Variants in BFSP2 observed in about 807,000 individuals in gnomAD.
BFSP2 encodes the protein phakinin.
In BFSP2, 38 loss-of-function variants were observed where a neutral mutation model predicts 44.9. The ratio of observed to expected loss-of-function variants is 0.85; its 90% confidence interval spans 0.65 to 1.11. The LOEUF is 1.11. Ranked by LOEUF, BFSP2 falls within the 50% of genes least tolerant of loss-of-function variation. The pLI, the probability that BFSP2 is intolerant of heterozygous loss-of-function variation, is 0.00. For synonymous variants in BFSP2, 197 were observed against 209.9 expected (o/e 0.94, Z 0.53); for missense variants, 525 against 533.0 (o/e 0.99, Z 0.15).
Position 133,448,592 on chromosome 3 carries a change from C to G in BFSP2, c.676C>G (p.Gln226Glu). ...ANLTKMDLES[Q>E]IESLKEELGS... ...TTTGACTAAAATGGACCTGGAGAGT[C>G]AAATAGAAAGTCTGAAAGAAGAACT... Residue 226 changes from glutamine to glutamate, a missense_variant, in exon 3 of 7, where the codon CAA becomes GAA. Transcript: ENST00000302334. 1 of 1,612,362 alleles carries G rather than the reference C, an allele frequency of 6.2e-7. No homozygotes were observed. Among genetic ancestry groups the G allele is most frequent in the Non-Finnish European group, 8.5e-7 (1 of 1,179,166 alleles).
At chr3:133,410,318 G>A in intron 1 of BFSP2, 1 of 368,378 alleles carries the variant, frequency 2.7e-6, no homozygotes, top group South Asian at 2.1e-5. Context: ...GGTGCAGGTG[G>A]CAGCAGTGGC....
intron 1 of BFSP2, 80 bp from the exon 2 acceptor site, chr3:133,447,237 T>C (rs933899006): frequency 1.4e-6 from 2 of 1,464,188 alleles, no homozygotes; most frequent in Admixed American, 1.7e-5. Context: ...AGAGCCTCTG[T>C]GCCTAACACA....
chr3:133,422,593 C>T (rs1314662749), intron 1 of BFSP2, among the ~76,000 whole-genome samples: 2 of 152,184 alleles, frequency 1.3e-5, no homozygotes, highest in African/African-American at 4.8e-5. Context: ...TGGATGAAGC[C>T]TATAGAAGAG....
chr3:133,408,422 T>C (rs2073422341), intron 1 of BFSP2, among the ~76,000 whole-genome samples: 1 of 152,200 alleles, frequency 6.6e-6, no homozygotes, highest in Non-Finnish European at 1.5e-5. Context: ...ATAGAAAATG[T>C]TACAACCCCT....
At chr3:133,458,937 C>T (rs2074037508) in intron 4 of BFSP2, among the ~76,000 whole-genome samples, 1 of 152,188 alleles carries the variant, frequency 6.6e-6, no homozygotes, top group African/African-American at 2.4e-5. Flanking sequence ...TGACTTGATG[C>T]TATGGTTCCT....
intron 1 of BFSP2, among the ~76,000 whole-genome samples, chr3:133,423,752 G>T (rs1162784837): frequency 6.6e-6 from 1 of 152,034 alleles, no homozygotes; most frequent in Non-Finnish European, 1.5e-5. Context: ...GGCAGGTGGC[G>T]CCACCTGCTG....
intron 1 of BFSP2, among the ~76,000 whole-genome samples, chr3:133,439,696 A>T (rs2107914682): frequency 6.6e-6 from 1 of 152,334 alleles, no homozygotes; most frequent in South Asian, 2.1e-4. Context: ...TGTTCAGAAA[A>T]GTAACTCAGT....
intron 1 of BFSP2, chr3:133,410,473 G>T: frequency 3.6e-6 from 1 of 279,230 alleles, no homozygotes. Context: ...TCTTCGTTAA[G>T]CTCCAGTCAT....
Position 133,450,461 on chromosome 3 carries a change from T to G in BFSP2, c.888T>G (p.Ala296=), listed in dbSNP as rs199694156. The G allele has an allele frequency of 2.2e-5, 36 of 1,613,948 alleles. No individual in the cohort carries two copies. The South Asian group carries it at 3.6e-4, about 16-fold the overall frequency. ...NRVEAGALLQ[A]KQQAEVAHMS... ...TGGAGGCAGGAGCCCTGCTCCAAGCTAAGGTGAGAGGCAGGACCAGCATCC... is the reference window on the plus strand; with the variant it reads ...TGGAGGCAGGAGCCCTGCTCCAAGCGAAGGTGAGAGGCAGGACCAGCATCC... Residue 296 remains alanine, a synonymous_variant, in exon 4 of 7, where the codon GCT becomes GCG. Transcript: ENST00000302334.
intron 1 of BFSP2, among the ~76,000 whole-genome samples, chr3:133,428,164 A>G (rs1305860306): frequency 2.0e-5 from 3 of 152,168 alleles, no homozygotes; most frequent in African/African-American, 7.2e-5. Flanking sequence ...GGCTGAGGAG[A>G]ACACTTATGT....
At chr3:133,462,123 G>C (rs1559982128) in intron 4 of BFSP2, among the ~76,000 whole-genome samples, 2 of 152,154 alleles carry the variant, frequency 1.3e-5, no homozygotes, top group Admixed American at 1.3e-4. Context: ...CTGCATCAGA[G>C]CCCACATTTT....
intron 4 of BFSP2, among the ~76,000 whole-genome samples, chr3:133,457,154 G>A (rs2074019633): frequency 6.6e-6 from 1 of 152,202 alleles, no homozygotes; most frequent in Non-Finnish European, 1.5e-5. Context: ...CAGGACGCCT[G>A]ACAGCATCTG....
intron 4 of BFSP2, among the ~76,000 whole-genome samples, chr3:133,458,836 G>A (rs1311859695): frequency 6.6e-6 from 1 of 152,108 alleles, no homozygotes; most frequent in East Asian, 1.9e-4. Context: ...ACCCAACATT[G>A]CAACCTCTTT....
intron 1 of BFSP2, among the ~76,000 whole-genome samples, chr3:133,442,119 GTT>G (rs1157643511): frequency 6.6e-6 from 1 of 152,162 alleles, no homozygotes; most frequent in African/African-American, 2.4e-5. Context: ...CTTCTATAGA[GTT>G]TTGTTTTGTT....
intron 1 of BFSP2, among the ~76,000 whole-genome samples, chr3:133,422,829 G>A (rs2073605557): frequency 6.6e-6 from 1 of 152,102 alleles, no homozygotes; most frequent in Non-Finnish European, 1.5e-5. Flanking sequence ...GGACAGGGGG[G>A]TTGCCGAGAG....
At chr3:133,416,944 C>T (rs977433620) in intron 1 of BFSP2, among the ~76,000 whole-genome samples, 4 of 138,578 alleles carry the variant, frequency 2.9e-5, no homozygotes, top group Admixed American at 2.1e-4. Context: ...CTCTACTCAC[C>T]CCGTCCTCTC....
At chr3:133,416,958 T>C (rs1420475036) in intron 1 of BFSP2, among the ~76,000 whole-genome samples, 5 of 73,138 alleles carry the variant, frequency 6.8e-5, no homozygotes, top group African/African-American at 1.1e-4. Flanking sequence ...TCCTCTCCCC[T>C]CTACTCACCC....
chr3:133,437,148 A>T (rs1007775848), intron 1 of BFSP2, among the ~76,000 whole-genome samples: 71 of 152,182 alleles, frequency 4.7e-4, no homozygotes, highest in African/African-American at 1.7e-3. Context: ...GTCAAATGGT[A>T]TTTCTAGTTC....
chr3:133,451,592 T>G (rs1338339918), intron 4 of BFSP2, among the ~76,000 whole-genome samples: 1 of 152,232 alleles, frequency 6.6e-6, no homozygotes, highest in South Asian at 2.1e-4. Context: ...TCCTGGTATA[T>G]ACAGTAGGGT....
Sources: allele counts gnomAD v4.1 joint callset (sites outside exome capture counted in the v4.1 genomes callset), GRCh38; gene constraint gnomAD v4.1.1; transcripts MANE v1.5; gene names NCBI Gene and HGNC (gene_info 2026-07-23, HGNC 2026-07-21).